The following GRIP1 variants were observed in gnomAD, a reference collection of about 807,000 sequenced individuals.
GRIP1 encodes glutamate receptor-interacting protein 1.
GRIP1 carries 45 observed loss-of-function variants against 129.9 expected under a neutral mutation model. That is an observed-to-expected ratio of 0.35 (90% CI 0.27 to 0.44). The LOEUF is 0.44. GRIP1 is among the 20% of genes least tolerant of loss of function. The pLI is 1.00. For missense variants in GRIP1, 1,196 were observed against 1,396.8 expected (o/e 0.86, Z 2.29); for synonymous variants, 530 against 520.8 (o/e 1.02, Z -0.24).
intron 1 of GRIP1, among the ~76,000 whole-genome samples, chr12:66,977,807 ATTTTTTTTTTTTTTTTTT>A (rs200381983): frequency 1.7e-5 from 1 of 60,274 alleles, no homozygotes; most frequent in African/African-American, 7.0e-5. Flanking sequence ...AGAGCTGAGC[ATTTTTTTTTTTTTTTTTT>A]TTTTTTTTTT....
At chr12:66,884,062 A>G (rs915936808) in intron 1 of GRIP1, among the ~76,000 whole-genome samples, 7 of 152,248 alleles carry the variant, frequency 4.6e-5, no homozygotes, top group Non-Finnish European at 8.8e-5. Context: ...TCTCCAAGGC[A>G]TTCTGGCAAC....
chr12:66,541,234 G>A (rs941134540), intron 3 of GRIP1, among the ~76,000 whole-genome samples: 4 of 152,180 alleles, frequency 2.6e-5, no homozygotes, highest in Non-Finnish European at 5.9e-5. Context: ...GCAATAACTA[G>A]TGGAATTTGC....
intron 7 of GRIP1, among the ~76,000 whole-genome samples, chr12:66,511,004 A>G (rs2060681973): frequency 6.6e-6 from 1 of 152,172 alleles, no homozygotes; most frequent in Non-Finnish European, 1.5e-5. Context: ...GAATACTGAT[A>G]TGGTTTGGCT....
intron 1 of GRIP1, among the ~76,000 whole-genome samples, chr12:66,641,207 T>C (rs2031894282): frequency 1.3e-5 from 2 of 152,188 alleles, no homozygotes; most frequent in Admixed American, 1.3e-4. Flanking sequence ...ACACTGTTGA[T>C]GCCTCACAGA....
chr12:67,003,021 T>C (rs779563666), intron 1 of GRIP1, among the ~76,000 whole-genome samples: 13 of 152,110 alleles, frequency 8.5e-5, no homozygotes, highest in Non-Finnish European at 1.5e-4. Context: ...CTACACACGA[T>C]ATATTACAGG....
intron 1 of GRIP1, among the ~76,000 whole-genome samples, chr12:66,780,045 C>T (rs1299515740): frequency 2.0e-5 from 3 of 152,102 alleles, no homozygotes; most frequent in Admixed American, 1.3e-4. Context: ...TTGGGGTGTA[C>T]TTGGGTAAGA....
At chr12:66,668,421 A>G (rs1174688385) in intron 1 of GRIP1, among the ~76,000 whole-genome samples, 2 of 152,180 alleles carry the variant, frequency 1.3e-5, no homozygotes, top group Admixed American at 6.5e-5. Context: ...ATTGAATTCA[A>G]TTGGGAATTT....
intron 24 of GRIP1, among the ~76,000 whole-genome samples, chr12:66,350,248 A>G (rs2054161438): frequency 6.6e-6 from 1 of 152,052 alleles, no homozygotes; most frequent in African/African-American, 2.4e-5. Flanking sequence ...CTGTTATCGC[A>G]GTACTTTGGG....
At chr12:66,904,313 C>T (rs2040892547) in intron 1 of GRIP1, among the ~76,000 whole-genome samples, 1 of 152,172 alleles carries the variant, frequency 6.6e-6, no homozygotes, top group South Asian at 2.1e-4. Context: ...GGTGGTGCTG[C>T]CCTGCCCACT....
chr12:66,685,584 G>A (rs895956049), intron 1 of GRIP1, among the ~76,000 whole-genome samples: 6 of 152,106 alleles, frequency 3.9e-5, no homozygotes, highest in Non-Finnish European at 8.8e-5. Context: ...ATATAGCGGT[G>A]GTGGGCTTAT....
Position 66,579,867 on chromosome 12 carries a change from G to C in GRIP1, c.136+16980C>G, listed in dbSNP as rs906312445. On this transcript the variant is annotated intron_variant, in intron 2 of 24. Coordinates refer to ENST00000359742, the MANE Select transcript of GRIP1 (RefSeq NM_001366722.1). ...TATCCAGGAGAACTTCCCCAATCTA[G>C]CAAGGCAGGCCAACATTCATATTCA... Among the ~76,000 whole-genome samples the C allele has an allele frequency of 1.3e-4, 20 of 149,920 alleles. 1 individual carries two copies. The highest frequency in any genetic ancestry group is 1.3e-4 in the Non-Finnish European group (9 of 67,538).
chr12:66,496,214 G>T (rs750071039), intron 7 of GRIP1, among the ~76,000 whole-genome samples: 12 of 152,124 alleles, frequency 7.9e-5, no homozygotes, highest in Non-Finnish European at 1.6e-4. Flanking sequence ...ACACCTGAAC[G>T]TGTCTAAGAG....
intron 1 of GRIP1, among the ~76,000 whole-genome samples, chr12:66,917,637 C>T (rs1396247039): frequency 6.6e-6 from 1 of 152,106 alleles, no homozygotes; most frequent in African/African-American, 2.4e-5. Context: ...TATCCAACAC[C>T]TAAAATATTG....
intron 14 of GRIP1, among the ~76,000 whole-genome samples, chr12:66,421,601 A>G (rs776911473): frequency 2.6e-5 from 4 of 151,414 alleles, no homozygotes; most frequent in Admixed American, 2.6e-4. Context: ...CTTTTGCTAG[A>G]TGGACTCTAA....
At chr12:66,651,047 T>G (rs1719742331) in intron 1 of GRIP1, among the ~76,000 whole-genome samples, 1 of 152,204 alleles carries the variant, frequency 6.6e-6, no homozygotes, top group Admixed American at 6.5e-5. Context: ...CTGTACACAG[T>G]TAGTAATTAT....
chr12:66,990,671 C>A (rs1324929754), intron 1 of GRIP1, among the ~76,000 whole-genome samples: 2 of 152,126 alleles, frequency 1.3e-5, no homozygotes, highest in Non-Finnish European at 2.9e-5. Context: ...CTGTAACATA[C>A]AACAGTCTAG....
intron 1 of GRIP1, among the ~76,000 whole-genome samples, chr12:66,710,581 A>G (rs542498097): frequency 6.5e-4 from 99 of 152,136 alleles, no homozygotes; most frequent in African/African-American, 2.3e-3. Context: ...CAGGAAACCA[A>G]TGCACTTTCC....
chr12:66,877,797 T>C (rs1266366515), intron 1 of GRIP1, among the ~76,000 whole-genome samples: 1 of 152,068 alleles, frequency 6.6e-6, no homozygotes, highest in Non-Finnish European at 1.5e-5. Context: ...AATGGGACTA[T>C]GCTTATAAAT....
At chr12:67,054,303 A>C (rs917180298) in intron 1 of GRIP1, among the ~76,000 whole-genome samples, 1 of 152,236 alleles carries the variant, frequency 6.6e-6, no homozygotes, top group African/African-American at 2.4e-5. Flanking sequence ...AGCACCTACT[A>C]TGAGCCAAGC....
Sources: gnomAD v4.1 joint callset for allele counts (sites outside exome capture counted in the v4.1 genomes callset) on GRCh38, gnomAD v4.1.1 for gene constraint, MANE v1.5 for transcripts, NCBI Gene and HGNC (gene_info 2026-07-23, HGNC 2026-07-21) for gene names.